The following PCDHA2 variants were observed in gnomAD, a reference collection of about 807,000 sequenced individuals.
The protein encoded by PCDHA2 is protocadherin alpha 2.
Under a neutral mutation model 66.0 loss-of-function variants are expected in PCDHA2, and 58 were observed. That is an observed-to-expected ratio of 0.88 (90% CI 0.71 to 1.09). The LOEUF is 1.09. Among genes scored for constraint, PCDHA2 ranks in the 50% least tolerant of loss-of-function variants. PCDHA2 has a pLI of 0.00. For synonymous variants in PCDHA2, 634 were observed against 554.0 expected (o/e 1.14, Z -2.03); for missense variants, 1,267 against 1,242.3 (o/e 1.02, Z -0.30).
intron 1 of PCDHA2, chr5:140,834,468 G>A: frequency 6.2e-7 from 1 of 1,614,146 alleles, no homozygotes; most frequent in Non-Finnish European, 8.5e-7. Flanking sequence ...GGCAGGGAGA[G>A]GCCAGCTCCA....
intron 3 of PCDHA2, among the ~76,000 whole-genome samples, chr5:141,001,535 G>A (rs2098024806): frequency 6.6e-6 from 1 of 152,182 alleles, no homozygotes; most frequent in South Asian, 2.1e-4. Flanking sequence ...TCTGATCCTG[G>A]ACAGGATTTG....
chr5:140,829,951 C>T (rs2150178473), intron 1 of PCDHA2: 3 of 1,614,004 alleles, frequency 1.9e-6, no homozygotes, highest in Non-Finnish European at 2.5e-6. Flanking sequence ...GCGCTCGCTT[C>T]CCGTTTCGCG....
At chr5:140,835,644 T>C (rs1554135160) in intron 1 of PCDHA2, 6 of 1,613,948 alleles carry the variant, frequency 3.7e-6, no homozygotes, top group Non-Finnish European at 4.2e-6. Flanking sequence ...TGTGTCCGCC[T>C]ATGAGCTGGT....
rs1764491957 is a variant in PCDHA2, at chr5:140,809,532, GAGA to G, written c.2388+12184_2388+12186del. 4 of 1,613,958 alleles carry G rather than the reference GAGA, an allele frequency of 2.5e-6. No individual in the cohort carries two copies. The East Asian group carries it at 6.7e-5, about 27-fold the overall frequency. On this transcript the variant is annotated intron_variant, in intron 1 of 3. Coordinates refer to ENST00000526136, the MANE Select transcript of PCDHA2 (RefSeq NM_018905.3). The stretch of plus-strand genomic sequence containing the variant: ...CCCAGTTTACCTGACTCTAGGGACA[GAGA>G]AGATCAGCTGCAGACAACTGAGGAA...
chr5:140,851,627 C>G (rs1278178767), intron 1 of PCDHA2: 1 of 918,180 alleles, frequency 1.1e-6, no homozygotes, highest in Admixed American at 6.3e-5. Context: ...GCTTTTTAAA[C>G]AAGTGTTTCC....
At chr5:140,870,822 A>G in intron 1 of PCDHA2, 3 of 1,613,698 alleles carry the variant, frequency 1.9e-6, no homozygotes, top group Non-Finnish European at 2.5e-6. Context: ...GCAGCGCGGG[A>G]GGCGCAGTTA....
intron 2 of PCDHA2, among the ~76,000 whole-genome samples, chr5:140,981,605 C>CT (rs1444386694): frequency 1.1e-4 from 17 of 152,174 alleles, no homozygotes; most frequent in African/African-American, 2.9e-4. Context: ...AAATGTTCCT[C>CT]TAATTTTGAT....
chr5:140,877,037 C>T lies in PCDHA2; in HGVS notation c.2388+79685C>T, dbSNP rs782624599. ...AGCGGCAAGGTGTACGCGCTGCAGC[C>T]GCTAGACCACGAGGAGCTGGAGCTG... On this transcript the variant is annotated intron_variant, in intron 1 of 3. Transcript: ENST00000526136. 6.8e-6 allele frequency: 11 copies of T among 1,612,374 alleles called. No individual in the cohort carries two copies. Among genetic ancestry groups the T allele is most frequent in the Admixed American group, 5.0e-5 (3 of 59,998 alleles).
Position 140,856,181 on chromosome 5 carries a change from G to A in PCDHA2, c.2388+58829G>A, listed in dbSNP as rs781803033. 3.8e-6 allele frequency: 6 copies of A among 1,598,228 alleles called. No individual in the cohort carries two copies. In the East Asian group the frequency reaches 1.3e-4, roughly 36 times the overall value. ...GGAGGCCAGACACGGCACCTTCGTG[G>A]GCCGCATCGCGCAGGACCTGGGGCT... On this transcript the variant is annotated intron_variant, in intron 1 of 3. Transcript: ENST00000526136.
chr5:140,971,192 A>G (rs1450514781), intron 1 of PCDHA2, among the ~76,000 whole-genome samples: 3 of 152,178 alleles, frequency 2.0e-5, no homozygotes, highest in Non-Finnish European at 4.4e-5. Context: ...GGAAGCTCAG[A>G]GGAAAGACAC....
intron 1 of PCDHA2, among the ~76,000 whole-genome samples, chr5:140,893,642 T>C (rs1479834135): frequency 1.3e-5 from 2 of 152,230 alleles, no homozygotes; most frequent in African/African-American, 2.4e-5. Context: ...TATAGTATTT[T>C]TGGCTGATAG....
intron 1 of PCDHA2, chr5:140,847,797 C>A (rs192930610): frequency 1.3e-5 from 2 of 149,780 alleles, no homozygotes; most frequent in African/African-American, 2.4e-5. Flanking sequence ...ATATTTTATA[C>A]CTTTTCAATT....
At chr5:140,891,201 T>C (rs1301476369) in intron 1 of PCDHA2, among the ~76,000 whole-genome samples, 3 of 152,214 alleles carry the variant, frequency 2.0e-5, no homozygotes, top group Non-Finnish European at 4.4e-5. Context: ...TTTGCAGTTT[T>C]ACCATGCTGT....
At chr5:140,920,989 A>C (rs1409702083) in intron 1 of PCDHA2, among the ~76,000 whole-genome samples, 1 of 151,756 alleles carries the variant, frequency 6.6e-6, no homozygotes, top group Non-Finnish European at 1.5e-5. Context: ...GTATTTGCTT[A>C]TTTTTTCAGA....
At chr5:140,919,716 A>G (rs1166757941) in intron 1 of PCDHA2, among the ~76,000 whole-genome samples, 1 of 152,214 alleles carries the variant, frequency 6.6e-6, no homozygotes, top group East Asian at 1.9e-4. Flanking sequence ...CTAGTGAGAT[A>G]TAAATATGTT....
intron 1 of PCDHA2, among the ~76,000 whole-genome samples, chr5:140,961,560 AT>A (rs1223583703): frequency 1.4e-4 from 22 of 152,140 alleles, no homozygotes; most frequent in African/African-American, 4.6e-4. Flanking sequence ...CTTTTTTTAA[AT>A]TTTGTTTTGA....
intron 2 of PCDHA2, among the ~76,000 whole-genome samples, chr5:140,980,367 C>A (rs1245361324): frequency 2.6e-5 from 4 of 152,174 alleles, no homozygotes; most frequent in Non-Finnish European, 5.9e-5. Flanking sequence ...CGCGGTGGCT[C>A]ACACCTGTAA....
At chr5:140,864,602 A>T (rs1472168357) in intron 1 of PCDHA2, 2 of 152,210 alleles carry the variant, frequency 1.3e-5, no homozygotes, top group African/African-American at 4.8e-5. Flanking sequence ...CAGATAGCCA[A>T]CAACTTTGTT....
intron 1 of PCDHA2, chr5:140,883,056 A>G (rs1554176597): frequency 6.2e-7 from 1 of 1,614,176 alleles, no homozygotes; most frequent in Admixed American, 1.7e-5. Context: ...TTAGTGATCA[A>G]GCTAAATGCC....
Sources: gnomAD v4.1 joint callset for allele counts (sites outside exome capture counted in the v4.1 genomes callset) on GRCh38, gnomAD v4.1.1 for gene constraint, MANE v1.5 for transcripts, NCBI Gene and HGNC (gene_info 2026-07-23, HGNC 2026-07-21) for gene names.